ZBTB20: variants seen among roughly 807,000 people sequenced by gnomAD.
ZBTB20 encodes the protein zinc finger and BTB domain containing 20, also known as zinc finger and BTB domain-containing protein 20.
ZBTB20 carries 9 observed loss-of-function variants against 56.9 expected under a neutral mutation model. The ratio of observed to expected loss-of-function variants is 0.16; its 90% CI spans 0.10 to 0.28. The LOEUF (loss-of-function observed/expected upper bound fraction) is 0.28. Ranked by LOEUF, ZBTB20 falls within the 10% of genes least tolerant of loss-of-function variation. The probability of loss-of-function intolerance (pLI) is 1.00; values close to 1 mark genes in which losing one functional copy is unlikely to be tolerated. For synonymous variants in ZBTB20, 417 were observed against 420.7 expected (o/e 0.99, Z 0.11); for missense variants, 655 against 1,003.0 (o/e 0.65, Z 4.69).
At chr3:114,869,558 G>T (rs760145835) in intron 4 of ZBTB20, among the ~76,000 whole-genome samples, 1 of 151,892 alleles carries the variant, frequency 6.6e-6, no homozygotes, top group South Asian at 2.1e-4. Context: ...CAGACTTAAG[G>T]TGTTTCCTCT....
intron 11 of ZBTB20, among the ~76,000 whole-genome samples, chr3:114,343,605 A>AGTCCAG (rs1560100019): frequency 6.6e-6 from 1 of 152,354 alleles, no homozygotes; most frequent in East Asian, 1.9e-4. Context: ...AACACTTGAA[A>AGTCCAG]GTCCAGGTCC....
chr3:115,072,212 A>C (rs1198212408), intron 1 of ZBTB20, among the ~76,000 whole-genome samples: 2 of 152,144 alleles, frequency 1.3e-5, no homozygotes, highest in Non-Finnish European at 2.9e-5. Flanking sequence ...ATATTATATA[A>C]TTGATTATTT....
intron 6 of ZBTB20, among the ~76,000 whole-genome samples, chr3:114,539,004 C>T (rs1010320647): frequency 3.3e-5 from 5 of 152,078 alleles, no homozygotes; most frequent in Admixed American, 2.0e-4. Flanking sequence ...TTAACCTTTG[C>T]TAGTTGTTGT....
In ZBTB20 at chr3:114,350,683, G is replaced by A. The variant is rs897150333; in HGVS notation, c.1395C>T (p.Ser465=). 2 of 1,614,216 alleles carry A rather than the reference G, an allele frequency of 1.2e-6. No individual in the cohort carries two copies. Among genetic ancestry groups the A allele is most frequent in the Non-Finnish European group, 1.7e-6 (2 of 1,180,048 alleles). The change falls in exon 11 of 12, where the codon TCC becomes TCT. Residue 465 remains serine, a synonymous_variant. Transcript: ENST00000675478. The part of the protein sequence containing the change: ...SVLQQPSVNT[S]IGQPLPSTQL... ...GGGTACTTGGCAATGGCTGCCCGAT[G>A]GACGTGTTGACCGAAGGCTGTTGTA... is the stretch of plus-strand genomic sequence containing the variant.
intron 8 of ZBTB20, among the ~76,000 whole-genome samples, chr3:114,384,186 C>T (rs1451886936): frequency 6.7e-6 from 1 of 148,448 alleles, no homozygotes; most frequent in African/African-American, 2.6e-5. Flanking sequence ...CCTTCCTCCT[C>T]TCTCTCTGTT....
chr3:114,506,751 C>T (rs1463422972), intron 6 of ZBTB20, among the ~76,000 whole-genome samples: 1 of 152,148 alleles, frequency 6.6e-6, no homozygotes, highest in Non-Finnish European at 1.5e-5. Context: ...CTTGTCACTA[C>T]CAACTATTTG....
At chr3:114,856,137 T>C (rs1304608778) in intron 4 of ZBTB20, among the ~76,000 whole-genome samples, 1 of 152,114 alleles carries the variant, frequency 6.6e-6, no homozygotes, top group Non-Finnish European at 1.5e-5. Flanking sequence ...AGGGGGTTGA[T>C]TACTAAGTGA....
intron 2 of ZBTB20, among the ~76,000 whole-genome samples, chr3:114,978,328 C>A (rs1301166339): frequency 1.3e-5 from 2 of 148,496 alleles, no homozygotes; most frequent in Non-Finnish European, 3.0e-5. Flanking sequence ...ATTATTAATT[C>A]TAATACCTAT....
chr3:115,081,386 A>G (rs1255179666), intron 1 of ZBTB20, among the ~76,000 whole-genome samples: 4 of 152,082 alleles, frequency 2.6e-5, no homozygotes, highest in Non-Finnish European at 5.9e-5. Flanking sequence ...AATAAACTAC[A>G]CTATCCTATA....
chr3:114,726,008 T>C (rs1351772127), intron 5 of ZBTB20, among the ~76,000 whole-genome samples: 1 of 152,184 alleles, frequency 6.6e-6, no homozygotes, highest in Non-Finnish European at 1.5e-5. Context: ...CTATTATTTA[T>C]TATAATAGTT....
At chr3:114,551,424 G>A (rs2050562318) in intron 6 of ZBTB20, among the ~76,000 whole-genome samples, 1 of 152,168 alleles carries the variant, frequency 6.6e-6, no homozygotes, top group African/African-American at 2.4e-5. Flanking sequence ...CAAAAGAAGT[G>A]CACAAAAATT....
intron 3 of ZBTB20, among the ~76,000 whole-genome samples, chr3:114,910,716 T>G (rs1034157095): frequency 1.3e-5 from 2 of 151,994 alleles, no homozygotes; most frequent in African/African-American, 2.4e-5. Context: ...AAAAAATAAA[T>G]GGGCTCAAAG....
intron 6 of ZBTB20, among the ~76,000 whole-genome samples, chr3:114,547,580 C>A (rs2050045667): frequency 6.6e-6 from 1 of 152,136 alleles, no homozygotes. Flanking sequence ...AGAAGATGCT[C>A]TGGTCAGTGG....
chr3:114,556,572 C>T (rs1223944701), intron 6 of ZBTB20, among the ~76,000 whole-genome samples: 1 of 151,984 alleles, frequency 6.6e-6, no homozygotes, highest in Non-Finnish European at 1.5e-5. Flanking sequence ...ATATTTTACT[C>T]ACAGTGATTC....
intron 7 of ZBTB20, among the ~76,000 whole-genome samples, chr3:114,402,121 T>C (rs1183462318): frequency 6.6e-6 from 1 of 152,204 alleles, no homozygotes; most frequent in Non-Finnish European, 1.5e-5. Context: ...TCTCTTTTGA[T>C]TGTTCAGTAA....
intron 10 of ZBTB20, among the ~76,000 whole-genome samples, chr3:114,373,097 A>T (rs1426039859): frequency 6.6e-6 from 1 of 151,942 alleles, no homozygotes; most frequent in Admixed American, 6.6e-5. Context: ...TTCTATTTTT[A>T]GTAGAGACAG....
intron 5 of ZBTB20, among the ~76,000 whole-genome samples, chr3:114,715,941 A>T (rs1372432370): frequency 6.6e-6 from 1 of 152,182 alleles, no homozygotes; most frequent in Non-Finnish European, 1.5e-5. Context: ...ACAAAGTTGG[A>T]CTGGAACAGG....
At chr3:114,510,501 T>A (rs2045230228) in intron 6 of ZBTB20, among the ~76,000 whole-genome samples, 1 of 152,020 alleles carries the variant, frequency 6.6e-6, no homozygotes, top group African/African-American at 2.4e-5. Flanking sequence ...ACTGAGCTTT[T>A]TTTTTTTTCT....
At chr3:115,075,716 C>T (rs984540343) in intron 1 of ZBTB20, among the ~76,000 whole-genome samples, 3 of 152,014 alleles carry the variant, frequency 2.0e-5, no homozygotes, top group South Asian at 2.1e-4. Flanking sequence ...CTAAAATCAG[C>T]AACACAGCAA....
Sources: allele counts gnomAD v4.1 joint callset (sites outside exome capture counted in the v4.1 genomes callset), GRCh38; gene constraint gnomAD v4.1.1; transcripts MANE v1.5; gene names NCBI Gene and HGNC (gene_info 2026-07-23, HGNC 2026-07-21).